SNX4: variants seen among roughly 807,000 people sequenced by gnomAD.
SNX4 encodes sorting nexin 4, also known as sorting nexin-4.
SNX4 carries 49 observed loss-of-function variants against 70.8 expected under a neutral mutation model. That is an observed-to-expected ratio of 0.69 (90% CI 0.55 to 0.88). SNX4 has a LOEUF of 0.88. Ranked by LOEUF, SNX4 falls within the 40% of genes least tolerant of loss-of-function variation. The probability of loss-of-function intolerance (pLI) is 0.00; values close to 1 mark genes in which losing one functional copy is unlikely to be tolerated. For missense variants in SNX4, 528 were observed against 544.8 expected (o/e 0.97, Z 0.31); for synonymous variants, 206 against 183.8 (o/e 1.12, Z -0.98).
At chr3:125,489,575 A>T in intron 5 of SNX4, 112 bp from the exon 6 acceptor site, 1 of 810,250 alleles carries the variant, frequency 1.2e-6, no homozygotes, top group Non-Finnish European at 2.0e-6. Context: ...TCTTCATATC[A>T]ATTGTTGTAA....
intron 1 of SNX4, among the ~76,000 whole-genome samples, chr3:125,510,295 C>T (rs1456392174): frequency 6.7e-6 from 1 of 149,618 alleles, no homozygotes; most frequent in Admixed American, 6.7e-5. Flanking sequence ...TGCAGTGGTG[C>T]GATCTCACTG....
chr3:125,512,242 A>G (rs1331323236), intron 1 of SNX4, among the ~76,000 whole-genome samples: 1 of 152,200 alleles, frequency 6.6e-6, no homozygotes, highest in Non-Finnish European at 1.5e-5. Flanking sequence ...TCTGGCCCAC[A>G]GCCAAGCAGT....
intron 9 of SNX4, among the ~76,000 whole-genome samples, chr3:125,467,436 G>A (rs569170052): frequency 4.2e-4 from 64 of 152,000 alleles, no homozygotes; most frequent in African/African-American, 1.5e-3. Context: ...GTGGGGGGAA[G>A]GATATGAACA....
At chr3:125,502,515 C>T (rs951648046) in intron 2 of SNX4, among the ~76,000 whole-genome samples, 1 of 152,048 alleles carries the variant, frequency 6.6e-6, no homozygotes, top group Non-Finnish European at 1.5e-5. Context: ...GGGTTCAGCA[C>T]TAAGGCAAGC....
At chr3:125,480,400 C>A (rs1374319280) in intron 6 of SNX4, 81 bp from the exon 7 acceptor site, 15 of 744,406 alleles carry the variant, frequency 2.0e-5, no homozygotes, top group South Asian at 3.0e-5. Context: ...CAGTAGTTCC[C>A]GACAATAACA....
intron 1 of SNX4, among the ~76,000 whole-genome samples, chr3:125,509,498 TC>T (rs1214493216): frequency 1.3e-5 from 2 of 152,030 alleles, no homozygotes; most frequent in African/African-American, 4.8e-5. Context: ...ACGCCTGTAA[TC>T]CTAGCACTTT....
rs1374567744 is a variant in SNX4, at chr3:125,451,318, C to A, written c.1292G>T (p.Ser431Ile). ...ALISYAVMQI[S>I]MCKKGIQVWT... ...GAAAAACCCTACCTTTTTGCACATA[C>A]TGATCTGCATGACTGCATAGCTTAT... The change falls in exon 13 of 14, where the codon AGT becomes ATT. Residue 431 changes from serine (S) to isoleucine (I), a missense_variant. Ser to Ile is a moderately radical substitution (Grantham distance 142). Coordinates refer to ENST00000251775, the MANE Select transcript of SNX4 (RefSeq NM_003794.4). 1 of 1,611,574 alleles carries A rather than the reference C, an allele frequency of 6.2e-7. No individual in the cohort carries two copies. Among genetic ancestry groups the A allele is most frequent in the Non-Finnish European group, 8.5e-7 (1 of 1,178,188 alleles).
chr3:125,471,663 T>C (rs956163834), intron 8 of SNX4, among the ~76,000 whole-genome samples: 1 of 152,218 alleles, frequency 6.6e-6, no homozygotes, highest in Admixed American at 6.5e-5. Flanking sequence ...TTTTAGGCTA[T>C]TAGCTCCTCA....
At chr3:125,513,440 T>C (rs192709639) in intron 1 of SNX4, among the ~76,000 whole-genome samples, 1 of 152,328 alleles carries the variant, frequency 6.6e-6, no homozygotes, top group East Asian at 1.9e-4. Context: ...ATCGGGAACA[T>C]TTAATGGGTT....
intron 6 of SNX4, among the ~76,000 whole-genome samples, chr3:125,486,276 T>C (rs1301792246): frequency 6.6e-6 from 1 of 152,222 alleles, no homozygotes; most frequent in Non-Finnish European, 1.5e-5. Flanking sequence ...GCTCGAGGAA[T>C]AACCTCAACG....
chr3:125,519,127 G>T (rs1289347393), intron 1 of SNX4, among the ~76,000 whole-genome samples: 1 of 152,106 alleles, frequency 6.6e-6, no homozygotes, highest in South Asian at 2.1e-4. Flanking sequence ...GGGGGTCGAG[G>T]GTGAAGTGAG....
intron 6 of SNX4, among the ~76,000 whole-genome samples, chr3:125,485,292 T>C (rs1934497431): frequency 6.6e-6 from 1 of 152,094 alleles, no homozygotes; most frequent in African/African-American, 2.4e-5. Context: ...ACTTATCTAT[T>C]TTATATGGCT....
In SNX4 at chr3:125,476,737, T is replaced by C. The variant is rs779498870; in HGVS notation, c.746A>G (p.Tyr249Cys). 2 of 1,595,954 alleles carry C rather than the reference T, an allele frequency of 1.3e-6. No homozygotes were observed. Among genetic ancestry groups the C allele is most frequent in the East Asian group, 2.2e-5 (1 of 44,650 alleles). ...ATTCCCATGTACTTTATATACACCA[T>C]AGAGTCGATCTGCTACTCTCTGAAA... Reference protein sequence around the residue: ...RVRARVADRLYGVYKVHGNYG... With the variant: ...RVRARVADRLCGVYKVHGNYG... Residue 249 changes from tyrosine to cysteine, a missense_variant, in exon 8 of 14, where the codon TAT becomes TGT. Physicochemically the swap from Tyr to Cys is radical, Grantham distance 194 (BLOSUM62 -2). This residue lies in a region of SNX4 where 341 missense variants were observed against 312.2 expected (regional missense o/e 1.09). Transcript: ENST00000251775.
At chr3:125,507,445 G>A (rs1580008901) in intron 1 of SNX4, among the ~76,000 whole-genome samples, 2 of 152,062 alleles carry the variant, frequency 1.3e-5, no homozygotes, top group African/African-American at 4.8e-5. Flanking sequence ...GTGGTAGTAA[G>A]GAGAGGGGAG....
chr3:125,482,469 C>G (rs1289439762), intron 6 of SNX4, among the ~76,000 whole-genome samples: 1 of 152,114 alleles, frequency 6.6e-6, no homozygotes, highest in Non-Finnish European at 1.5e-5. Context: ...TCACTTTTCT[C>G]TGGTCTCTCT....
chr3:125,511,915 G>A (rs1241223087), intron 1 of SNX4, among the ~76,000 whole-genome samples: 1 of 151,914 alleles, frequency 6.6e-6, no homozygotes, highest in Admixed American at 6.6e-5. Flanking sequence ...GAAAACAGAT[G>A]ATACACTACA....
intron 6 of SNX4, among the ~76,000 whole-genome samples, chr3:125,486,091 G>A (rs946092826): frequency 4.6e-5 from 7 of 152,120 alleles, no homozygotes; most frequent in Non-Finnish European, 4.4e-5. Context: ...CACCCACCTC[G>A]GCCTCCCAAA....
chr3:125,489,428 G>T lies in SNX4; in HGVS notation c.633C>A (p.Phe211Leu). 6.2e-7 allele frequency: 1 copy of T among 1,613,304 alleles called. No individual in the cohort carries two copies. The highest frequency in any genetic ancestry group is 1.3e-5 in the African/African-American group (1 of 75,038). The part of the protein sequence containing the change: ...DSRLKALNAT[F>L]RVKNPDKRFT... ...CTTACTTGTCTGGGTTTTTCACTCT[G>T]AATGTTGCATTAAGCGCTTTTAACC... Residue 211 changes from phenylalanine (F) to leucine (L), a missense_variant, in exon 6 of 14, where the codon TTC becomes TTA. This residue lies in a region of SNX4 where 341 missense variants were observed against 312.2 expected (regional missense o/e 1.09). Transcript: ENST00000251775.
intron 9 of SNX4, among the ~76,000 whole-genome samples, chr3:125,461,618 G>T (rs532562197): frequency 6.6e-6 from 1 of 151,834 alleles, no homozygotes; most frequent in Non-Finnish European, 1.5e-5. Flanking sequence ...AGAAAAAGTA[G>T]AGTAAATAAA....
Sources: allele counts gnomAD v4.1 joint callset (sites outside exome capture counted in the v4.1 genomes callset), GRCh38; gene constraint gnomAD v4.1.1; regional missense constraint gnomAD v4.1.1; transcripts MANE v1.5; gene names NCBI Gene and HGNC (gene_info 2026-07-23, HGNC 2026-07-21).